The following CRLF2 variants were observed in gnomAD, a reference collection of about 807,000 sequenced individuals.
The protein encoded by CRLF2 is cytokine receptor-like factor 2.
A neutral mutation model predicts 38.7 loss-of-function variants in CRLF2; 41 were observed. The observed-to-expected ratio is 1.06, with a 90% CI of 0.83 to 1.37. CRLF2 has a LOEUF of 1.37. CRLF2 is among the 40% of genes most tolerant of loss of function. The probability of loss-of-function intolerance (pLI) is 0.00; values close to 1 mark genes in which losing one functional copy is unlikely to be tolerated. For synonymous variants in CRLF2, 140 were observed against 128.8 expected (o/e 1.09, Z -0.59); for missense variants, 377 against 322.2 (o/e 1.17, Z -1.30).
intron 6 of CRLF2, 57 bp from the exon 7 acceptor site, chrX:1,193,359 G>C: frequency 2.5e-6 from 1 of 398,486 alleles, no homozygotes. Context: ...GGAAGGGTTG[G>C]CAAGAAGCAC....
intron 4 of CRLF2, among the ~76,000 whole-genome samples, chrX:1,201,096 T>C (rs28792804): frequency 0.51 from 77,591 of 151,878 alleles, 20,268 homozygotes; most frequent in East Asian, 0.68. Flanking sequence ...ACAAACCTAA[T>C]GCAAGGGTAA....
chrX:1,192,164 C>T (rs1420699345), intron 7 of CRLF2, among the ~76,000 whole-genome samples: 8 of 139,112 alleles, frequency 5.8e-5, no homozygotes, highest in Admixed American at 4.6e-4. Context: ...GAGATCCCGC[C>T]ACTGCACTCC....
intron 1 of CRLF2, 121 bp downstream of exon 1, chrX:1,212,435 A>AAAG: frequency 1.7e-6 from 1 of 596,216 alleles, no homozygotes; most frequent in Middle Eastern, 5.0e-4. Flanking sequence ...AAAAAAAAAA[A>AAAG]AAAGAAAAGA....
chrX:1,191,565 CTT>C (rs1603392669), intron 7 of CRLF2, among the ~76,000 whole-genome samples: 1 of 150,778 alleles, frequency 6.6e-6, no homozygotes, highest in Admixed American at 6.7e-5. Flanking sequence ...GCATTTCGCT[CTT>C]GTTTCCCAGG....
At chrX:1,205,797 T>C (rs756342675) in intron 3 of CRLF2, among the ~76,000 whole-genome samples, 48 of 152,062 alleles carry the variant, frequency 3.2e-4, no homozygotes, top group African/African-American at 1.2e-3. Flanking sequence ...TGCTTTTCAA[T>C]AGCTACGGTA....
chrX:1,210,480 A>AT (rs1223635674), intron 1 of CRLF2, among the ~76,000 whole-genome samples: 4 of 151,934 alleles, frequency 2.6e-5, no homozygotes, highest in Admixed American at 6.6e-5. Context: ...TGCCCGGCTG[A>AT]TTTTTTGTAT....
At chrX:1,207,802 G>A (rs1452576953) in intron 2 of CRLF2, among the ~76,000 whole-genome samples, 1 of 147,684 alleles carries the variant, frequency 6.8e-6, no homozygotes, top group Non-Finnish European at 1.5e-5. Flanking sequence ...GGCACCTGCC[G>A]CCACGCCCGG....
intron 4 of CRLF2, among the ~76,000 whole-genome samples, chrX:1,200,361 T>C (rs1311636814): frequency 6.6e-6 from 1 of 150,914 alleles, no homozygotes; most frequent in Non-Finnish European, 1.5e-5. Flanking sequence ...TGTACATGTG[T>C]ATAAATATGT....
Position 1,190,686 on chromosome X carries a change from C to G in CRLF2, c.*211G>C, listed in dbSNP as rs2086359532. The G allele has an allele frequency of 2.5e-6, 1 of 397,394 alleles. No homozygotes were observed. Among genetic ancestry groups the G allele is most frequent in the African/African-American group, 2.1e-5 (1 of 48,640 alleles). The allele number at this position is 397,394 out of a possible 1,614,324, so 24.6% of individuals were successfully genotyped here. A position where few individuals can be genotyped will look rare whatever the true frequency, so the allele number is the denominator to read the frequency against. ...GGAGCAATTGGCTCCCATCTGCCAT[C>G]AAGCCTTTGAACACAGAGACTCATG... On this transcript the variant is annotated 3_prime_UTR_variant, in exon 8 of 8. Coordinates refer to ENST00000400841, the MANE Select transcript of CRLF2 (RefSeq NM_022148.4).
intron 5 of CRLF2, among the ~76,000 whole-genome samples, chrX:1,197,924 C>T (rs1203029757): frequency 2.6e-5 from 4 of 152,066 alleles, no homozygotes; most frequent in Admixed American, 6.6e-5. Flanking sequence ...ATCGATTGAA[C>T]GTGGGAGACA....
intron 7 of CRLF2, among the ~76,000 whole-genome samples, 188 bp from the exon 8 acceptor site, chrX:1,191,348 T>TTCCTTCCTTC (rs1413878313): frequency 1.6e-5 from 2 of 122,840 alleles, no homozygotes; most frequent in East Asian, 2.8e-4. Flanking sequence ...TTTCTTTCCT[T>TTCCTTCCTTC]CTTTCTTTCT....
intron 6 of CRLF2, among the ~76,000 whole-genome samples, chrX:1,193,781 C>CAA (rs1176813644): frequency 0.025 from 1,461 of 58,896 alleles, 79 homozygotes; most frequent in East Asian, 0.086. Context: ...GACTCCATCT[C>CAA]AAAAAAAAAA....
rs1198833539 is a variant in CRLF2, at chrX:1,190,975, C to T, written c.1038G>A (p.Gln346=). 16 of 398,710 alleles carry T rather than the reference C, an allele frequency of 4.0e-5. No homozygotes were observed. Among genetic ancestry groups the T allele is most frequent in the African/African-American group, 3.3e-4 (16 of 48,764 alleles). The allele number at this position is 398,710 out of a possible 1,614,324, so 24.7% of individuals were successfully genotyped here. The change falls in exon 8 of 8, where the codon CAG becomes CAA. Residue 346 remains glutamine, a synonymous_variant. Coordinates refer to ENST00000400841, the MANE Select transcript of CRLF2 (RefSeq NM_022148.4). ...ASGGSLQLPH[Q]PLQGGDVVTI... ...TGACCACATCACCGCCTTGGAGGGG[C>T]TGGTGGGGAAGCTGGAGGGATCCCC...
At position 1,209,580 on chromosome X, in the gene CRLF2, C is replaced by G. The variant is rs1232717229; in HGVS notation, c.80-672G>C. 2.6e-5 allele frequency among the ~76,000 whole-genome samples: 4 copies of G among 151,924 alleles called. No individual in the cohort carries two copies. In the East Asian group the frequency reaches 7.7e-4, roughly 29 times the overall value. Reference sequence around the variant, plus strand: ...TCTCCTGACCTCGTGATCCGCCCGCCTCATCCACCTAAAGTGCTGAGATTG... The same window carrying G: ...TCTCCTGACCTCGTGATCCGCCCGCGTCATCCACCTAAAGTGCTGAGATTG... On this transcript the variant is annotated intron_variant, in intron 1 of 7. Coordinates refer to ENST00000400841, the MANE Select transcript of CRLF2 (RefSeq NM_022148.4).
chrX:1,208,322 G>A (rs1374436167), intron 2 of CRLF2, among the ~76,000 whole-genome samples: 2 of 152,136 alleles, frequency 1.3e-5, no homozygotes. Flanking sequence ...ACTTTGGGAG[G>A]CTGAGGCAGG....
intron 1 of CRLF2, 99 bp from the exon 2 acceptor site, chrX:1,209,007 G>A (rs1431230737): frequency 2.7e-6 from 2 of 738,654 alleles, no homozygotes; most frequent in Non-Finnish European, 4.5e-6. Flanking sequence ...TCACTCTGTT[G>A]CCCAGGCTGG....
chrX:1,203,356 G>A (rs867459383), intron 3 of CRLF2, among the ~76,000 whole-genome samples: 7 of 139,702 alleles, frequency 5.0e-5, no homozygotes, highest in African/African-American at 1.3e-4. Context: ...GTAGGAAGGA[G>A]CCTCCCCTAG....
intron 6 of CRLF2, among the ~76,000 whole-genome samples, chrX:1,195,966 AATATATATT>A (rs1235857664): frequency 4.3e-5 from 6 of 140,844 alleles, no homozygotes; most frequent in Non-Finnish European, 9.2e-5. Flanking sequence ...ATATAAATTA[AATATATATT>A]ATATATATTT....
intron 1 of CRLF2, among the ~76,000 whole-genome samples, chrX:1,210,248 C>T (rs1489388113): frequency 3.9e-5 from 6 of 152,020 alleles, no homozygotes; most frequent in Middle Eastern, 3.2e-3. Flanking sequence ...TAATTCCGAA[C>T]AGGGACAATG....
Sources: allele counts gnomAD v4.1 joint callset (sites outside exome capture counted in the v4.1 genomes callset), GRCh38; gene constraint gnomAD v4.1.1; transcripts MANE v1.5; gene names NCBI Gene and HGNC (gene_info 2026-07-23, HGNC 2026-07-21).